The following FBXO42 variants were observed in gnomAD, a reference collection of about 807,000 sequenced individuals.
The protein encoded by FBXO42 is F-box only protein 42.
FBXO42 carries 12 observed loss-of-function variants against 71.7 expected under a neutral mutation model. The ratio of observed to expected loss-of-function variants is 0.17; its 90% CI spans 0.11 to 0.27. FBXO42 has a LOEUF of 0.27. FBXO42 is among the 10% of genes least tolerant of loss of function. The pLI, the probability that FBXO42 is intolerant of heterozygous loss-of-function variation, is 1.00. For synonymous variants in FBXO42, 325 were observed against 327.5 expected (o/e 0.99, Z 0.08); for missense variants, 707 against 911.9 (o/e 0.78, Z 2.89).
chr1:16,294,081 G>T (rs549044204), intron 4 of FBXO42: 2 of 152,292 alleles, frequency 1.3e-5, no homozygotes, highest in South Asian at 4.1e-4. Flanking sequence ...TTTGGGAAAA[G>T]CTTGCCAAAA....
intron 4 of FBXO42, among the ~76,000 whole-genome samples, chr1:16,281,991 T>G (rs1412530099): frequency 1.3e-5 from 2 of 152,068 alleles, no homozygotes; most frequent in African/African-American, 4.8e-5. Context: ...TGAGCCACCA[T>G]GCCTGGCCAA....
chr1:16,317,348 G>A (rs113447013), intron 1 of FBXO42, among the ~76,000 whole-genome samples: 3,925 of 152,234 alleles, frequency 0.026, 145 homozygotes, highest in African/African-American at 0.09. Flanking sequence ...AACCCAGGAG[G>A]TGGAGGTTGC....
chr1:16,347,861 C>T (rs967124574), intron 1 of FBXO42, among the ~76,000 whole-genome samples: 2 of 151,812 alleles, frequency 1.3e-5, no homozygotes, highest in East Asian at 1.9e-4. Context: ...TGGTAGTGGG[C>T]GCCTGTAGTC....
intron 1 of FBXO42, among the ~76,000 whole-genome samples, chr1:16,345,889 C>T (rs1008773036): frequency 3.4e-5 from 5 of 147,832 alleles, no homozygotes; most frequent in South Asian, 4.3e-4. Flanking sequence ...CTTAGAAAAA[C>T]GACTAATTTC....
intron 1 of FBXO42, among the ~76,000 whole-genome samples, chr1:16,317,470 C>T (rs146257065): frequency 1.6e-4 from 24 of 151,788 alleles, no homozygotes; most frequent in Middle Eastern, 3.4e-3. Context: ...GATGCATGTG[C>T]CTGTAATCCC....
intron 6 of FBXO42, among the ~76,000 whole-genome samples, chr1:16,254,135 G>A (rs1325710720): frequency 1.3e-5 from 2 of 152,142 alleles, no homozygotes; most frequent in African/African-American, 4.8e-5. Flanking sequence ...AAGTCATCCT[G>A]AGACCCTCCC....
At chr1:16,345,278 C>A (rs2082645900) in intron 1 of FBXO42, among the ~76,000 whole-genome samples, 1 of 151,294 alleles carries the variant, frequency 6.6e-6, no homozygotes, top group Non-Finnish European at 1.5e-5. Flanking sequence ...AAAAAATTAG[C>A]TGGGCGTGGT....
At chr1:16,275,025 T>C (rs770037325) in intron 4 of FBXO42, among the ~76,000 whole-genome samples, 5 of 152,178 alleles carry the variant, frequency 3.3e-5, no homozygotes, top group Non-Finnish European at 5.9e-5. Flanking sequence ...TAAGCAGAAA[T>C]ATCAGCAATC....
chr1:16,328,360 C>T (rs1198593257), intron 1 of FBXO42, among the ~76,000 whole-genome samples: 1 of 152,204 alleles, frequency 6.6e-6, no homozygotes, highest in African/African-American at 2.4e-5. Context: ...CTAGTCTCTA[C>T]TTGACAAAGT....
At chr1:16,288,810 T>C (rs1169737966) in intron 4 of FBXO42, among the ~76,000 whole-genome samples, 2 of 151,842 alleles carry the variant, frequency 1.3e-5, no homozygotes, top group East Asian at 3.9e-4. Context: ...ATACAAAAAT[T>C]AGCCTGGTGT....
intron 1 of FBXO42, among the ~76,000 whole-genome samples, chr1:16,340,040 G>C (rs1229937866): frequency 2.0e-5 from 3 of 152,076 alleles, no homozygotes; most frequent in South Asian, 4.1e-4. Flanking sequence ...AGCCAGGCGT[G>C]GTGGCAGGCG....
At chr1:16,287,836 C>T (rs1449905142) in intron 4 of FBXO42, among the ~76,000 whole-genome samples, 2 of 152,062 alleles carry the variant, frequency 1.3e-5, no homozygotes, top group African/African-American at 4.8e-5. Context: ...GTAATCCCAG[C>T]ACTTTGGGAA....
intron 1 of FBXO42, among the ~76,000 whole-genome samples, chr1:16,332,346 A>C (rs1569936138): frequency 1.3e-5 from 2 of 152,160 alleles, no homozygotes; most frequent in Non-Finnish European, 2.9e-5. Flanking sequence ...CCATTGCTAT[A>C]GTTGAATGAA....
At position 16,252,488 on chromosome 1, in the gene FBXO42, C is replaced by T; in HGVS notation, c.922-84G>A. ...CACACAGAGTTGCAGTCTCAAAGCT[C>T]TCCTGTCTGGTCTTGAAAGGATGTG... On this transcript the variant is annotated intron_variant, in intron 8 of 9. Coordinates refer to ENST00000375592, the MANE Select transcript of FBXO42 (RefSeq NM_018994.3). The surrounding 1 kb of genome is among the most constrained non-coding windows in gnomAD (Gnocchi z 4.4). 2.8e-6 allele frequency: 3 copies of T among 1,085,264 alleles called. No homozygotes were observed. Among genetic ancestry groups the T allele is most frequent in the Non-Finnish European group, 4.2e-6 (3 of 712,856 alleles). The allele number at this position is 1,085,264 out of a possible 1,614,324, so 67.2% of individuals were successfully genotyped here.
At chr1:16,299,678 T>G (rs2082169910) in intron 3 of FBXO42, among the ~76,000 whole-genome samples, 2 of 152,178 alleles carry the variant, frequency 1.3e-5, no homozygotes, top group Admixed American at 1.3e-4. Flanking sequence ...GGAGTCTCGC[T>G]CTGTCACCCA....
At chr1:16,283,494 G>GT (rs386366300) in intron 4 of FBXO42, among the ~76,000 whole-genome samples, 3,156 of 80,850 alleles carry the variant, frequency 0.039, 224 homozygotes, top group African/African-American at 0.048. Flanking sequence ...ACTGTGGCAA[G>GT]TTTTTTTTTT....
chr1:16,321,958 C>A (rs114653642), intron 1 of FBXO42, among the ~76,000 whole-genome samples: 1 of 150,392 alleles, frequency 6.6e-6, no homozygotes, highest in East Asian at 2.0e-4. Flanking sequence ...CACCTGAGGA[C>A]GGGAGCTCAA....
In FBXO42 at chr1:16,248,947, T is replaced by TAAC. The variant is rs2081562179; in HGVS notation, c.*1720_*1722dup. 1 of 152,258 alleles carries TAAC rather than the reference T, an allele frequency of 6.6e-6. No individual in the cohort carries two copies. Among genetic ancestry groups the TAAC allele is most frequent in the Non-Finnish European group, 1.5e-5 (1 of 68,044 alleles). The allele number at this position is 152,258 out of a possible 1,614,324, so 9.4% of individuals were successfully genotyped here. ...CTAAGGGAAAGGATTCAGCATGATG[T>TAAC]AACAGGAGAAAACACACTTATCAGT... is the stretch of plus-strand genomic sequence containing the variant. On this transcript the variant is annotated 3_prime_UTR_variant, in exon 10 of 10. Coordinates refer to ENST00000375592, the MANE Select transcript of FBXO42 (RefSeq NM_018994.3).
chr1:16,344,787 T>C (rs1366650626), intron 1 of FBXO42, among the ~76,000 whole-genome samples: 2 of 152,136 alleles, frequency 1.3e-5, no homozygotes, highest in East Asian at 3.8e-4. Flanking sequence ...AATATCAATA[T>C]AAAGTTCTGA....
Sources: gnomAD v4.1 joint callset for allele counts (sites outside exome capture counted in the v4.1 genomes callset) on GRCh38, gnomAD v4.1.1 for gene constraint, Gnocchi (gnomAD v3.1) non-coding constraint, MANE v1.5 for transcripts, NCBI Gene and HGNC (gene_info 2026-07-23, HGNC 2026-07-21) for gene names.